Variants in FIP1L1 observed in about 807,000 individuals in gnomAD.
FIP1L1 encodes the protein factor interacting with PAPOLA and CPSF1.
In FIP1L1, 21 loss-of-function variants were observed where a neutral mutation model predicts 84.6. The ratio of observed to expected loss-of-function variants is 0.25; its 90% CI spans 0.18 to 0.36. The LOEUF is 0.36. FIP1L1 is among the 10% of genes least tolerant of loss of function. FIP1L1 has a pLI of 1.00. For missense variants in FIP1L1, 526 were observed against 751.1 expected (o/e 0.70, Z 3.50); for synonymous variants, 263 against 242.3 (o/e 1.09, Z -0.80).
intron 10 of FIP1L1, among the ~76,000 whole-genome samples, chr4:53,407,415 G>T (rs2149618352): frequency 6.6e-6 from 1 of 152,288 alleles, no homozygotes; most frequent in East Asian, 1.9e-4. Context: ...TTACTGAGGA[G>T]AGCTTTACTT....
At chr4:53,422,262 A>G (rs1332005298) in intron 11 of FIP1L1, among the ~76,000 whole-genome samples, 1 of 152,100 alleles carries the variant, frequency 6.6e-6, no homozygotes, top group Non-Finnish European at 1.5e-5. Context: ...TAATAAAATT[A>G]CATTTTATCT....
chr4:53,421,861 A>G (rs1255404870), intron 11 of FIP1L1, among the ~76,000 whole-genome samples: 8 of 152,244 alleles, frequency 5.3e-5, no homozygotes, highest in Admixed American at 5.2e-4. Context: ...CTATTTATTT[A>G]GAAATCAGGG....
intron 11 of FIP1L1, among the ~76,000 whole-genome samples, chr4:53,424,158 C>T (rs1459984389): frequency 2.0e-5 from 3 of 151,666 alleles, no homozygotes; most frequent in African/African-American, 4.8e-5. Flanking sequence ...GGAAATAGAG[C>T]GAAAATAAAA....
chr4:53,413,881 T>G (rs779016413), intron 10 of FIP1L1, among the ~76,000 whole-genome samples: 3 of 152,184 alleles, frequency 2.0e-5, no homozygotes, highest in Non-Finnish European at 4.4e-5. Context: ...TGTCACATCT[T>G]TCTCTGTTTC....
chr4:53,389,663 T>A (rs1257758097), intron 5 of FIP1L1, 146 bp from the exon 6 acceptor site: 6 of 644,402 alleles, frequency 9.3e-6, no homozygotes, highest in South Asian at 1.9e-5. Context: ...ATACAAAATT[T>A]AAAAAATAAA....
intron 9 of FIP1L1, among the ~76,000 whole-genome samples, chr4:53,395,472 G>A (rs1746720105): frequency 6.6e-6 from 1 of 152,200 alleles, no homozygotes; most frequent in Admixed American, 6.5e-5. Flanking sequence ...AAGTACCTTA[G>A]GCTTTGGGGG....
intron 10 of FIP1L1, among the ~76,000 whole-genome samples, chr4:53,409,851 G>A (rs1428472644): frequency 6.6e-6 from 1 of 152,248 alleles, no homozygotes; most frequent in Non-Finnish European, 1.5e-5. Context: ...GAAAAGCGCA[G>A]TATTAGGGTG....
intron 17 of FIP1L1, 89 bp from the exon 18 acceptor site, chr4:53,459,213 T>A: frequency 1.2e-6 from 1 of 859,808 alleles, no homozygotes; most frequent in Admixed American, 2.9e-5. Flanking sequence ...CCCAGTGTTA[T>A]ATTGAGAATT....
intron 10 of FIP1L1, among the ~76,000 whole-genome samples, chr4:53,404,010 C>CTT (rs34458530): frequency 0.43 from 63,827 of 148,938 alleles, 15,026 homozygotes; most frequent in Admixed American, 0.54. Flanking sequence ...ATAAAATGCA[C>CTT]TTTTTTTTTT....
intron 16 of FIP1L1, among the ~76,000 whole-genome samples, chr4:53,456,286 C>G (rs1259500695): frequency 6.6e-6 from 1 of 152,216 alleles, no homozygotes; most frequent in Admixed American, 6.5e-5. Flanking sequence ...TCCTCTAATT[C>G]TTCTGCTTCA....
chr4:53,443,338 G>A (rs1772809835), intron 14 of FIP1L1, among the ~76,000 whole-genome samples: 2 of 150,802 alleles, frequency 1.3e-5, no homozygotes, highest in African/African-American at 4.8e-5. Context: ...TACCAAAAGG[G>A]TTGATAGAAT....
intron 10 of FIP1L1, among the ~76,000 whole-genome samples, chr4:53,411,952 T>C (rs1230987388): frequency 6.6e-6 from 1 of 152,102 alleles, no homozygotes; most frequent in Non-Finnish European, 1.5e-5. Context: ...CATACTTTTG[T>C]AAACCAGGAT....
Position 53,459,472 on chromosome 4 carries a change from ATAT to A in FIP1L1, c.*26_*28del. ...TAGGCATGGTTTTGGCCTTTTGTGT[ATAT>A]TAGTACCAGAAGTAGATACTATAAA... On this transcript the variant is annotated 3_prime_UTR_variant, in exon 18 of 18. Transcript: ENST00000337488. 1 of 1,613,190 alleles carries A rather than the reference ATAT, an allele frequency of 6.2e-7. No homozygotes were observed. The highest frequency in any genetic ancestry group is 8.5e-7 in the Non-Finnish European group (1 of 1,179,288).
rs970831896 is a variant in FIP1L1 at position 53,442,448 on chromosome 4, A to T, written c.1175-205A>T. 2.5e-5 allele frequency: 13 copies of T among 518,508 alleles called. No homozygotes were observed. The African/African-American group carries it at 2.5e-4, about 10-fold the overall frequency. The allele number at this position is 518,508 out of a possible 1,614,324, so 32.1% of individuals were successfully genotyped here. ...CTGACTCCCAGTTTGTTTTCTGTGT[A>T]TTAGACCAGACTGCTTACTTAAAGT... On this transcript the variant is annotated intron_variant, in intron 13 of 17. Coordinates refer to ENST00000337488, the MANE Select transcript of FIP1L1 (RefSeq NM_030917.4).
At chr4:53,394,796 A>AT (rs1230490688) in intron 9 of FIP1L1, among the ~76,000 whole-genome samples, 1 of 151,678 alleles carries the variant, frequency 6.6e-6, no homozygotes, top group Non-Finnish European at 1.5e-5. Context: ...AAGTTCTTAA[A>AT]TTTTTTTATA....
At chr4:53,398,691 T>C (rs890610263) in intron 9 of FIP1L1, among the ~76,000 whole-genome samples, 32 of 152,112 alleles carry the variant, frequency 2.1e-4, no homozygotes, top group Non-Finnish European at 1.0e-4. Flanking sequence ...GATGATAATT[T>C]TAAGATAAAA....
intron 10 of FIP1L1, 140 bp downstream of exon 10, chr4:53,399,979 C>A (rs889598114): frequency 1.2e-5 from 7 of 577,920 alleles, no homozygotes; most frequent in Admixed American, 3.3e-5. Context: ...AAAATGAATT[C>A]TTCACAAGAA....
chr4:53,412,918 T>C (rs1757830596), intron 10 of FIP1L1, among the ~76,000 whole-genome samples: 1 of 152,112 alleles, frequency 6.6e-6, no homozygotes, highest in African/African-American at 2.4e-5. Flanking sequence ...TCTCTTAACA[T>C]TTATTAGTTG....
At chr4:53,457,070 A>G (rs1272475020) in intron 16 of FIP1L1, among the ~76,000 whole-genome samples, 1 of 152,162 alleles carries the variant, frequency 6.6e-6, no homozygotes, top group African/African-American at 2.4e-5. Flanking sequence ...TGAAAAAATT[A>G]AGCATTAAAT....
Sources: allele counts gnomAD v4.1 joint callset (sites outside exome capture counted in the v4.1 genomes callset), GRCh38; gene constraint gnomAD v4.1.1; transcripts MANE v1.5; gene names NCBI Gene and HGNC (gene_info 2026-07-23, HGNC 2026-07-21).